The following AK5 variants were observed in gnomAD, a reference collection of about 807,000 sequenced individuals.
The protein encoded by AK5 is adenylate kinase 5.
In AK5, 27 loss-of-function variants were observed where a neutral mutation model predicts 69.5. The ratio of observed to expected loss-of-function variants is 0.39; its 90% CI spans 0.29 to 0.54. AK5 has a LOEUF of 0.54. Among genes scored for constraint, AK5 ranks in the 20% least tolerant of loss-of-function variants. The pLI is 0.71. For missense variants in AK5, 531 were observed against 700.4 expected, an observed-to-expected ratio of 0.76 and a Z score of 2.73; for synonymous variants, 260 against 244.4, an observed-to-expected ratio of 1.06 and a Z score of -0.60.
chr1:77,517,316 G>A (rs985802477), intron 10 of AK5, among the ~76,000 whole-genome samples: 2 of 152,126 alleles, frequency 1.3e-5, no homozygotes, highest in East Asian at 3.9e-4. Context: ...ATTGCCATAC[G>A]CCAGGCGGAG....
intron 13 of AK5, among the ~76,000 whole-genome samples, chr1:77,536,427 C>T (rs1056547084): frequency 2.6e-5 from 4 of 152,292 alleles, no homozygotes; most frequent in African/African-American, 4.8e-5. Context: ...ACACTCCAGC[C>T]TGGGCAACAG....
intron 10 of AK5, among the ~76,000 whole-genome samples, chr1:77,490,859 A>G (rs1435814257): frequency 1.5e-5 from 2 of 137,418 alleles, no homozygotes; most frequent in African/African-American, 5.5e-5. Flanking sequence ...TCCCTTCTCC[A>G]TTTTTCATTG....
rs1489724518 is a variant in AK5, at chr1:77,535,833, A to C, written c.1429-14A>C. The C allele has an allele frequency of 1.2e-6, 2 of 1,608,206 alleles. No homozygotes were observed. The highest frequency in any genetic ancestry group is 4.5e-5 in the East Asian group (2 of 44,772). ...GAGGTTTCTGACTGTGTTGTGCTCC[A>C]CTCCCATCTCCAGATTGGAGACCCA... On this transcript the variant is annotated splice_polypyrimidine_tract_variant and intron_variant, in intron 12 of 13. Transcript: ENST00000354567.
intron 8 of AK5, among the ~76,000 whole-genome samples, chr1:77,466,952 G>C (rs2100687320): frequency 6.6e-6 from 1 of 152,302 alleles, no homozygotes; most frequent in African/African-American, 2.4e-5. Context: ...CTGCATTGCA[G>C]GTAGCAGAAA....
At chr1:77,495,696 T>C (rs1462086316) in intron 10 of AK5, among the ~76,000 whole-genome samples, 1 of 152,152 alleles carries the variant, frequency 6.6e-6, no homozygotes, top group African/African-American at 2.4e-5. Flanking sequence ...TTTGAGCGTG[T>C]GATGCTGAGT....
chr1:77,481,591 G>A lies in AK5; in HGVS notation c.1060-1726G>A, dbSNP rs113972343. ...TCTTTAAATAAAGTGTTTTGAGGGC[G>A]GTTTACCTCAAGGGAGTGTTAATAC... is the stretch of plus-strand genomic sequence containing the variant. On this transcript the variant is annotated intron_variant, in intron 8 of 13. Coordinates refer to ENST00000354567, the MANE Select transcript of AK5 (RefSeq NM_174858.3). Among the ~76,000 whole-genome samples the A allele has an allele frequency of 3.2e-3, 493 of 152,216 alleles. 6 individuals carry two copies. The highest frequency in any genetic ancestry group is 0.011 in the African/African-American group (473 of 41,526).
At chr1:77,285,463 A>T (rs6683829) in intron 1 of AK5, among the ~76,000 whole-genome samples, 15,120 of 152,240 alleles carry the variant, frequency 0.099, 927 homozygotes, top group South Asian at 0.2. Flanking sequence ...ATTCTGAGGA[A>T]ATTACACAGG....
intron 1 of AK5, 34 bp from the exon 2 acceptor site, chr1:77,286,907 A>G (rs776574133): frequency 1.5e-6 from 2 of 1,304,568 alleles, no homozygotes; most frequent in Non-Finnish European, 2.0e-6. Context: ...GGTTTAAAAG[A>G]TATTTTATTT....
chr1:77,483,089 A>T (rs569861400), intron 8 of AK5, among the ~76,000 whole-genome samples: 2 of 146,618 alleles, frequency 1.4e-5, no homozygotes, highest in South Asian at 2.2e-4. Flanking sequence ...CTTGGGACAG[A>T]TGACCCAGGT....
chr1:77,542,605 G>C (rs1659335878), intron 13 of AK5, among the ~76,000 whole-genome samples: 1 of 152,158 alleles, frequency 6.6e-6, no homozygotes, highest in Non-Finnish European at 1.5e-5. Context: ...AGGCAGAATT[G>C]TATCAAATGA....
chr1:77,292,851 G>T (rs1658768454), intron 2 of AK5, among the ~76,000 whole-genome samples: 1 of 152,074 alleles, frequency 6.6e-6, no homozygotes, highest in Non-Finnish European at 1.5e-5. Context: ...AATTACCGTG[G>T]TGCTTATCAG....
intron 5 of AK5, among the ~76,000 whole-genome samples, chr1:77,334,845 C>T (rs1389022112): frequency 6.6e-6 from 1 of 152,070 alleles, no homozygotes; most frequent in Non-Finnish European, 1.5e-5. Context: ...CTTTCTAGAG[C>T]CTCTTCCCCT....
chr1:77,441,470 T>C (rs991707618), intron 8 of AK5, among the ~76,000 whole-genome samples: 4 of 152,322 alleles, frequency 2.6e-5, no homozygotes, highest in Middle Eastern at 3.4e-3. Context: ...CATCTACAGT[T>C]GGGTCCTGGT....
intron 10 of AK5, among the ~76,000 whole-genome samples, chr1:77,486,687 ACT>A (rs1177304614): frequency 6.7e-6 from 1 of 148,852 alleles, no homozygotes; most frequent in African/African-American, 2.5e-5. Context: ...ACAGAGCAAG[ACT>A]CTGTCAAAAA....
intron 5 of AK5, 186 bp downstream of exon 5, chr1:77,298,133 G>A: frequency 2.2e-6 from 1 of 447,978 alleles, no homozygotes; most frequent in East Asian, 3.4e-5. Context: ...ATTAAAGACA[G>A]TCTCTGCCAA....
intron 7 of AK5, among the ~76,000 whole-genome samples, chr1:77,414,196 AAC>A (rs1650240948): frequency 6.6e-6 from 1 of 152,218 alleles, no homozygotes; most frequent in African/African-American, 2.4e-5. Context: ...TCAGAAATGA[AAC>A]ACAACCCTTA....
At chr1:77,498,382 G>A (rs1373090667) in intron 10 of AK5, among the ~76,000 whole-genome samples, 1 of 152,182 alleles carries the variant, frequency 6.6e-6, no homozygotes, top group African/African-American at 2.4e-5. Flanking sequence ...GAAAGAGACT[G>A]TTTAAAGCAA....
intron 8 of AK5, among the ~76,000 whole-genome samples, chr1:77,465,076 T>G (rs1485942179): frequency 2.0e-5 from 3 of 152,198 alleles, no homozygotes; most frequent in Non-Finnish European, 4.4e-5. Flanking sequence ...GCCCTCCTGC[T>G]CTGCACACTG....
At chr1:77,366,813 G>T (rs1438932843) in intron 6 of AK5, among the ~76,000 whole-genome samples, 1 of 152,032 alleles carries the variant, frequency 6.6e-6, no homozygotes, top group Non-Finnish European at 1.5e-5. Context: ...ACAAGAGGTT[G>T]TCACCGGGCT....
Sources: gnomAD v4.1 joint callset for allele counts (sites outside exome capture counted in the v4.1 genomes callset) on GRCh38, gnomAD v4.1.1 for gene constraint, MANE v1.5 for transcripts, NCBI Gene and HGNC (gene_info 2026-07-23, HGNC 2026-07-21) for gene names.